Variants in MYT1L observed in about 807,000 individuals in gnomAD.
The protein encoded by MYT1L is myelin transcription factor 1-like protein.
Under a neutral mutation model 126.7 loss-of-function variants are expected in MYT1L, and 12 were observed. The observed-to-expected ratio is 0.09, with a 90% CI of 0.06 to 0.15. The LOEUF (loss-of-function observed/expected upper bound fraction) is 0.15. Ranked by LOEUF, MYT1L falls within the 10% of genes least tolerant of loss-of-function variation. MYT1L has a pLI of 1.00. For synonymous variants in MYT1L, 541 were observed against 604.2 expected (o/e 0.90, Z 1.53); for missense variants, 979 against 1,585.2 (o/e 0.62, Z 6.49).
intron 2 of MYT1L, among the ~76,000 whole-genome samples, chr2:2,270,766 TGCCCCA>T (rs2095246789): frequency 6.6e-6 from 1 of 152,130 alleles, no homozygotes; most frequent in African/African-American, 2.4e-5. Context: ...CTGGTGCTCC[TGCCCCA>T]GCTCAGTCAG....
chr2:1,791,375 T>C lies in MYT1L; in HGVS notation c.*492A>G. On this transcript the variant is annotated 3_prime_UTR_variant, in exon 25 of 25. Coordinates refer to ENST00000647738, the MANE Select transcript of MYT1L (RefSeq NM_001303052.2). This position sits in a 1 kb window ranked among gnomAD's most constrained non-coding sequence, Gnocchi z 6.0. Reference sequence around the variant, plus strand: ...CAATATGCACACAAAATGTATTTCTTAAATTCCATAAAGTCCTCCAACATG... The same window carrying C: ...CAATATGCACACAAAATGTATTTCTCAAATTCCATAAAGTCCTCCAACATG... The C allele has an allele frequency of 2.4e-6, 1 of 418,340 alleles. No homozygotes were observed. Among genetic ancestry groups the C allele is most frequent in the South Asian group, 1.8e-5 (1 of 55,318 alleles). 25.9% of individuals were successfully genotyped at this position (418,340 alleles called of 1,614,324 possible).
intron 2 of MYT1L, among the ~76,000 whole-genome samples, chr2:2,201,688 ACT>A (rs1359584582): frequency 7.1e-6 from 1 of 140,588 alleles, no homozygotes; most frequent in African/African-American, 2.9e-5. Flanking sequence ...ACAGAGTGAG[ACT>A]CTGCCTCAAA....
chr2:1,957,536 C>T (rs1437770883), intron 8 of MYT1L, among the ~76,000 whole-genome samples: 2 of 152,110 alleles, frequency 1.3e-5, no homozygotes, highest in Non-Finnish European at 2.9e-5. Context: ...TATCAATCTT[C>T]CCCACTCTAT....
Position 1,793,313 on chromosome 2 carries a change from C to G in MYT1L, c.3277-849G>C, listed in dbSNP as rs1475657890. Among the ~76,000 whole-genome samples, 1 of 152,242 alleles carries G rather than the reference C, an allele frequency of 6.6e-6. No homozygotes were observed. The highest frequency in any genetic ancestry group is 6.5e-5 in the Admixed American group (1 of 15,292). On this transcript the variant is annotated intron_variant, in intron 23 of 24. Coordinates refer to ENST00000647738, the MANE Select transcript of MYT1L (RefSeq NM_001303052.2). This position sits in a 1 kb window ranked among gnomAD's most constrained non-coding sequence, Gnocchi z 4.6. ...CTATAACCGCACAGGACTAGCTTCA[C>G]ACGCAGCAGGCGGGGAGCTGCCCTG...
At chr2:1,851,759 A>C in intron 18 of MYT1L, 56 bp from the exon 19 acceptor site, 1 of 1,534,990 alleles carries the variant, frequency 6.5e-7, no homozygotes, top group Non-Finnish European at 9.0e-7. Flanking sequence ...TTCCCTGAAC[A>C]ATTAACTTTT....
At position 2,059,673 on chromosome 2, in the gene MYT1L, A is replaced by G. The variant is rs2070134338; in HGVS notation, c.-303-5550T>C. ...AATTTCTCTCTGAAAGTCCTTAATT[A>G]TGTCTGCGTCGTAGGCTCTTCACCT... On this transcript the variant is annotated intron_variant, in intron 3 of 24. Coordinates refer to ENST00000647738, the MANE Select transcript of MYT1L (RefSeq NM_001303052.2). This position sits in a 1 kb window ranked among gnomAD's most constrained non-coding sequence, Gnocchi z 4.7. Among the ~76,000 whole-genome samples, 1 of 152,182 alleles carries G rather than the reference A, an allele frequency of 6.6e-6. No homozygotes were observed. The highest frequency in any genetic ancestry group is 1.5e-5 in the Non-Finnish European group (1 of 68,030).
chr2:2,140,440 T>C (rs1450761708), intron 3 of MYT1L, among the ~76,000 whole-genome samples: 3 of 144,446 alleles, frequency 2.1e-5, no homozygotes, highest in Non-Finnish European at 4.6e-5. Context: ...TTCTTTTTTT[T>C]TTTTTTTTTT....
At chr2:1,989,493 A>G (rs973189694) in intron 5 of MYT1L, among the ~76,000 whole-genome samples, 9 of 152,170 alleles carry the variant, frequency 5.9e-5, no homozygotes, top group Non-Finnish European at 1.5e-5. Flanking sequence ...GGCTGGATAA[A>G]TATTTGCTGA....
intron 5 of MYT1L, among the ~76,000 whole-genome samples, chr2:1,994,226 G>C (rs953280864): frequency 6.6e-6 from 1 of 152,198 alleles, no homozygotes; most frequent in Non-Finnish European, 1.5e-5. Context: ...TGACGGGCCT[G>C]TTCCTTCCGG....
chr2:1,948,310 A>G (rs1382833392), intron 8 of MYT1L, among the ~76,000 whole-genome samples: 1 of 152,182 alleles, frequency 6.6e-6, no homozygotes, highest in East Asian at 1.9e-4. Flanking sequence ...GTTAATGTAA[A>G]GCGTGAATAC....
intron 18 of MYT1L, among the ~76,000 whole-genome samples, chr2:1,856,268 G>A (rs1475685760): frequency 6.6e-6 from 1 of 152,118 alleles, no homozygotes; most frequent in East Asian, 1.9e-4. Flanking sequence ...TGTCCCCTTT[G>A]TGCTCCTGGC....
At chr2:2,031,362 A>C (rs1044208098) in intron 4 of MYT1L, among the ~76,000 whole-genome samples, 2 of 152,278 alleles carry the variant, frequency 1.3e-5, no homozygotes, top group African/African-American at 2.4e-5. Context: ...CTGCCAGAGC[A>C]GATTGTAGAA....
chr2:2,143,946 C>T (rs1364524225), intron 3 of MYT1L, among the ~76,000 whole-genome samples: 1 of 135,576 alleles, frequency 7.4e-6, no homozygotes, highest in East Asian at 2.6e-4. Flanking sequence ...GAGCAATAGA[C>T]GCTGGGGACT....
chr2:1,988,601 C>T (rs2061230329), intron 5 of MYT1L, among the ~76,000 whole-genome samples: 1 of 152,260 alleles, frequency 6.6e-6, no homozygotes, highest in Non-Finnish European at 1.5e-5. Context: ...ATACACAAAC[C>T]TGCTTATGCT....
At chr2:1,936,345 C>T (rs1385455931) in intron 9 of MYT1L, among the ~76,000 whole-genome samples, 2 of 152,182 alleles carry the variant, frequency 1.3e-5, no homozygotes, top group African/African-American at 2.4e-5. Flanking sequence ...GCACAGTTTG[C>T]ATGAAGAGAG....
At chr2:1,939,717 C>A (rs1386274801) in intron 9 of MYT1L, among the ~76,000 whole-genome samples, 1 of 152,194 alleles carries the variant, frequency 6.6e-6, no homozygotes, top group Non-Finnish European at 1.5e-5. Context: ...CAACAGTTAT[C>A]CTGTTCCTTT....
At chr2:1,831,359 C>A (rs2040164208) in intron 21 of MYT1L, among the ~76,000 whole-genome samples, 1 of 152,192 alleles carries the variant, frequency 6.6e-6, no homozygotes, top group African/African-American at 2.4e-5. Context: ...ATCTTTAAAC[C>A]ATTTCTTCCT....
chr2:2,248,020 A>G (rs1328908722), intron 2 of MYT1L, among the ~76,000 whole-genome samples: 1 of 152,122 alleles, frequency 6.6e-6, no homozygotes, highest in Non-Finnish European at 1.5e-5. Context: ...TAGTAGAAGA[A>G]AATAAATAAT....
chr2:2,123,012 G>A (rs552196154), intron 3 of MYT1L, among the ~76,000 whole-genome samples: 1 of 152,200 alleles, frequency 6.6e-6, no homozygotes, highest in Admixed American at 6.5e-5. Context: ...AATGCAAACT[G>A]AGAGAAGCCA....
Sources: allele counts gnomAD v4.1 joint callset (sites outside exome capture counted in the v4.1 genomes callset), GRCh38; gene constraint gnomAD v4.1.1; non-coding constraint Gnocchi (gnomAD v3.1); transcripts MANE v1.5; gene names NCBI Gene and HGNC (gene_info 2026-07-23, HGNC 2026-07-21).